Variants in CFAP43 observed in about 807,000 individuals in gnomAD.
CFAP43 encodes the protein cilia and flagella associated protein 43.
A neutral mutation model predicts 218.9 loss-of-function variants in CFAP43; 155 were observed. That is an observed-to-expected ratio of 0.71 (90% confidence interval 0.62 to 0.81). CFAP43 has a LOEUF of 0.81. Ranked by LOEUF, CFAP43 falls within the 30% of genes least tolerant of loss-of-function variation. The probability of loss-of-function intolerance (pLI) is 0.00; values close to 1 mark genes in which losing one functional copy is unlikely to be tolerated. For synonymous variants in CFAP43, 645 were observed against 681.3 expected (o/e 0.95, Z 0.83); for missense variants, 1,778 against 1,954.3 (o/e 0.91, Z 1.70).
chr10:104,208,832 T>A (rs897362222), intron 5 of CFAP43, among the ~76,000 whole-genome samples: 1 of 152,096 alleles, frequency 6.6e-6, no homozygotes, highest in African/African-American at 2.4e-5. Context: ...ATTAGACACT[T>A]GAGATTAAGT....
In CFAP43 at chr10:104,145,484, G is replaced by C. The variant is rs1272602854; in HGVS notation, c.3936C>G (p.Arg1312=). ...GTGAAGGAGAAACAAACCTTGGTCGGCGTTTAAAAAGTTTGTAGAGTATAT... is the reference window on the plus strand; with the variant it reads ...GTGAAGGAGAAACAAACCTTGGTCGCCGTTTAAAAAGTTTGTAGAGTATAT... The part of the protein sequence containing the change: ...QVDILYKLFK[R]RPRISKQKTH... Residue 1312 remains arginine (R), a synonymous_variant, in exon 31 of 38, where the codon CGC becomes CGG. Transcript: ENST00000357060. 1 of 1,591,148 alleles carries C rather than the reference G, an allele frequency of 6.3e-7. No homozygotes were observed.
intron 23 of CFAP43, among the ~76,000 whole-genome samples, chr10:104,164,637 A>T (rs541739069): frequency 2.2e-4 from 34 of 152,262 alleles, no homozygotes; most frequent in African/African-American, 8.2e-4. Flanking sequence ...TGACCTTGTG[A>T]TCCACCTGCC....
chr10:104,161,264 G>A lies in CFAP43; in HGVS notation c.3415-102C>T, dbSNP rs2088856198. On this transcript the variant is annotated intron_variant, in intron 26 of 37. Transcript: ENST00000357060. ...TTAAAAAGCCCTTTAAAAGGATACA[G>A]TCCTTCACATTGGCAAGGAAAACGA... The A allele has an allele frequency of 3.1e-6, 4 of 1,273,012 alleles. No individual in the cohort carries two copies. In the South Asian group the frequency reaches 4.7e-5, roughly 15 times the overall value. The allele number at this position is 1,273,012 out of a possible 1,614,324, so 78.9% of individuals were successfully genotyped here.
At position 104,145,565 on chromosome 10, in the gene CFAP43, C is replaced by T. The variant is rs1220124507; in HGVS notation, c.3856-1G>A. ...CCTTTTTAAAGCTGCGATCCATAAC[C>T]TAAGGACAAACATGACATTTGAGGA... On this transcript the variant is annotated splice_acceptor_variant, in intron 30 of 37. Transcript: ENST00000357060. LOFTEE classifies it high-confidence loss of function. 6.3e-7 allele frequency: 1 copy of T among 1,592,132 alleles called. No individual in the cohort carries two copies. The highest frequency in any genetic ancestry group is 2.2e-5 in the East Asian group (1 of 44,522).
Position 104,143,525 on chromosome 10 carries a change from A to G in CFAP43, c.4059T>C (p.Asp1353=). 1.2e-6 allele frequency: 2 copies of G among 1,614,226 alleles called. No homozygotes were observed. Among genetic ancestry groups the G allele is most frequent in the Non-Finnish European group, 1.7e-6 (2 of 1,180,040 alleles). The part of the protein sequence containing the change: ...DAFAQLMKAM[D]ELDNISNMPE... The stretch of plus-strand genomic sequence containing the variant: ...GCATGTTACTAATATTGTCCAACTC[A>G]TCCATAGCTTTCATTAACTGGGCAA... The change falls in exon 32 of 38, where the codon GAT becomes GAC. Residue 1353 remains aspartate (D), a synonymous_variant. Coordinates refer to ENST00000357060, the MANE Select transcript of CFAP43 (RefSeq NM_025145.7).
Position 104,179,959 on chromosome 10 carries a change from A to G in CFAP43, c.2290-27T>C, listed in dbSNP as rs759381286. The G allele has an allele frequency of 5.0e-5, 78 of 1,568,504 alleles. No individual in the cohort carries two copies. The East Asian group carries it at 1.7e-3, about 33-fold the overall frequency. On this transcript the variant is annotated intron_variant, in intron 17 of 37. Coordinates refer to ENST00000357060, the MANE Select transcript of CFAP43 (RefSeq NM_025145.7). Reference sequence around the variant, plus strand: ...TGATACATGGTAGAAAAAGACAGACATGTCTTAAAGTTAAAATTCATCAAG... The same window carrying G: ...TGATACATGGTAGAAAAAGACAGACGTGTCTTAAAGTTAAAATTCATCAAG...
At chr10:104,176,955 A>T (rs1315805653) in intron 19 of CFAP43, among the ~76,000 whole-genome samples, 2 of 152,222 alleles carry the variant, frequency 1.3e-5, no homozygotes, top group Non-Finnish European at 2.9e-5. Context: ...AAAATGACCA[A>T]TTATCCAATA....
At position 104,153,004 on chromosome 10, in the gene CFAP43, T is replaced by C. The variant is rs573570601; in HGVS notation, c.3541-278A>G. Among the ~76,000 whole-genome samples, 16 of 152,236 alleles carry C rather than the reference T, an allele frequency of 1.1e-4. No individual in the cohort carries two copies. In the East Asian group the frequency reaches 2.9e-3, roughly 28 times the overall value. ...GCAGAAGTAGGCCTAGGAAAGCAAA[T>C]TGCAGCAAATCTTTCCAGAAAATCC... is the stretch of plus-strand genomic sequence containing the variant. On this transcript the variant is annotated intron_variant, in intron 27 of 37. Coordinates refer to ENST00000357060, the MANE Select transcript of CFAP43 (RefSeq NM_025145.7).
chr10:104,196,951 CAA>C lies in CFAP43; in HGVS notation c.1213-20_1213-19del, dbSNP rs777775139. 3.8e-6 allele frequency: 6 copies of C among 1,596,306 alleles called. No homozygotes were observed. The highest frequency in any genetic ancestry group is 2.2e-5 in the East Asian group (1 of 44,506). On this transcript the variant is annotated intron_variant, in intron 9 of 37. Transcript: ENST00000357060. ...GTAAGTGTCTGTAAAAAAAGAAAAA[CAA>C]AAACTCTACATGGAAAATAAGACTT...
At chr10:104,173,651 T>C (rs1205090826) in intron 19 of CFAP43, among the ~76,000 whole-genome samples, 1 of 152,116 alleles carries the variant, frequency 6.6e-6, no homozygotes, top group East Asian at 1.9e-4. Context: ...CTAGAAAGAA[T>C]AGAGAACCAC....
At chr10:104,229,374 C>CG (rs2091386720) in intron 2 of CFAP43, among the ~76,000 whole-genome samples, 1 of 151,992 alleles carries the variant, frequency 6.6e-6, no homozygotes, top group African/African-American at 2.4e-5. Flanking sequence ...GTCATTAGGC[C>CG]GGGCACAGTG....
intron 24 of CFAP43, among the ~76,000 whole-genome samples, chr10:104,163,651 C>T (rs921400196): frequency 6.6e-6 from 1 of 152,206 alleles, no homozygotes; most frequent in Non-Finnish European, 1.5e-5. Flanking sequence ...TGTGACCCAA[C>T]CACTCTGGGT....
At chr10:104,174,383 G>T (rs2089531252) in intron 19 of CFAP43, among the ~76,000 whole-genome samples, 1 of 152,188 alleles carries the variant, frequency 6.6e-6, no homozygotes, top group South Asian at 2.1e-4. Context: ...AAGAGAGCTT[G>T]TGCAGGGAAA....
chr10:104,230,709 A>G lies in CFAP43; in HGVS notation c.200T>C (p.Ile67Thr), dbSNP rs377766738. 22 of 1,613,966 alleles carry G rather than the reference A, an allele frequency of 1.4e-5. No homozygotes were observed. Among genetic ancestry groups the G allele is most frequent in the Admixed American group, 3.3e-5 (2 of 59,996 alleles). The change falls in exon 2 of 38, where the codon ATT becomes ACT. Residue 67 changes from isoleucine (I) to threonine (T), a missense_variant. Transcript: ENST00000357060. ...GATGTTAGTTGCCATGACGCCCACA[A>G]TTCCATTACTACACTGCAGTACAGT... ...KKTVLQCSNG[I>T]VGVMATNIPC...
At chr10:104,170,276 A>G (rs1005633151) in intron 20 of CFAP43, among the ~76,000 whole-genome samples, 4 of 152,094 alleles carry the variant, frequency 2.6e-5, no homozygotes, top group Middle Eastern at 3.2e-3. Context: ...TCAGAGGATC[A>G]AGGAGAACTC....
chr10:104,225,621 C>A lies in CFAP43; in HGVS notation c.320-64G>T. 9 of 1,311,994 alleles carry A rather than the reference C, an allele frequency of 6.9e-6. No individual in the cohort carries two copies. The South Asian group carries it at 1.1e-4, about 17-fold the overall frequency. The allele number at this position is 1,311,994 out of a possible 1,614,324, so 81.3% of individuals were successfully genotyped here. A position where few individuals can be genotyped will look rare whatever the true frequency, so the allele number is the denominator to read the frequency against. ...AAGACCATGTTCAGTTAACTATGGT[C>A]TTACAGTTTATTTTCCTTTGCTAAT... On this transcript the variant is annotated intron_variant, in intron 2 of 37. Coordinates refer to ENST00000357060, the MANE Select transcript of CFAP43 (RefSeq NM_025145.7).
At chr10:104,134,504 AG>A (rs1306373910) in intron 34 of CFAP43, among the ~76,000 whole-genome samples, 1 of 152,180 alleles carries the variant, frequency 6.6e-6, no homozygotes, top group East Asian at 1.9e-4. Flanking sequence ...AGACTGACTA[AG>A]AAAAAAAAGG....
chr10:104,156,823 G>A (rs762707195), intron 27 of CFAP43, among the ~76,000 whole-genome samples: 9 of 152,164 alleles, frequency 5.9e-5, no homozygotes, highest in Non-Finnish European at 1.2e-4. Flanking sequence ...ACAGCAGCTC[G>A]AAACCCAGAA....
intron 27 of CFAP43, among the ~76,000 whole-genome samples, chr10:104,158,112 C>T (rs2088672048): frequency 6.6e-6 from 1 of 152,116 alleles, no homozygotes; most frequent in Non-Finnish European, 1.5e-5. Flanking sequence ...AGAGGAAAAG[C>T]TCTTCTTTGC....
Sources: gnomAD v4.1 joint callset for allele counts (sites outside exome capture counted in the v4.1 genomes callset) on GRCh38, gnomAD v4.1.1 for gene constraint, MANE v1.5 for transcripts, NCBI Gene and HGNC (gene_info 2026-07-23, HGNC 2026-07-21) for gene names.